Variants in HIVEP1 observed in about 807,000 individuals in gnomAD.
HIVEP1 encodes the protein zinc finger protein 40.
HIVEP1 carries 36 observed loss-of-function variants against 180.0 expected under a neutral mutation model. The ratio of observed to expected loss-of-function variants is 0.20; its 90% CI spans 0.15 to 0.26. HIVEP1 has a LOEUF of 0.26. Among genes scored for constraint, HIVEP1 ranks in the 10% least tolerant of loss-of-function variants. The probability of loss-of-function intolerance (pLI) is 1.00; values close to 1 mark genes in which losing one functional copy is unlikely to be tolerated. For synonymous variants in HIVEP1, 1,239 were observed against 1,239.0 expected (o/e 1.00, Z 0.00); for missense variants, 3,143 against 3,268.7 (o/e 0.96, Z 0.94).
chr6:12,131,412 CA>C (rs946473712), intron 6 of HIVEP1, among the ~76,000 whole-genome samples: 2 of 143,380 alleles, frequency 1.4e-5, no homozygotes, highest in African/African-American at 4.9e-5. Flanking sequence ...AATACATAGC[CA>C]TTTTTTTTCA....
At chr6:12,187,188 T>C in the HIVEP1 span, among the ~76,000 whole-genome samples, 1 of 152,146 alleles carries the variant, frequency 6.6e-6, no homozygotes, top group African/African-American at 2.4e-5. Context: ...AGAGGACACA[T>C]TTGCAAAAAT....
intron 8 of HIVEP1, among the ~76,000 whole-genome samples, chr6:12,162,425 G>A (rs1319068771): frequency 6.6e-6 from 1 of 152,200 alleles, no homozygotes; most frequent in African/African-American, 2.4e-5. Flanking sequence ...AACACATCAA[G>A]AAGTTCACTT....
At chr6:12,082,209 G>A (rs960406131) in intron 2 of HIVEP1, among the ~76,000 whole-genome samples, 9 of 152,096 alleles carry the variant, frequency 5.9e-5, no homozygotes, top group Non-Finnish European at 1.2e-4. Context: ...AGTCTGGGGT[G>A]TCATTCCTGG....
chr6:12,156,791 C>T (rs930238928), intron 7 of HIVEP1, among the ~76,000 whole-genome samples: 6 of 152,166 alleles, frequency 3.9e-5, no homozygotes, highest in Admixed American at 2.6e-4. Context: ...GAATGTTCCA[C>T]ATACCCTTAT....
chr6:12,052,912 C>G (rs1245468709), intron 2 of HIVEP1, among the ~76,000 whole-genome samples: 1 of 152,166 alleles, frequency 6.6e-6, no homozygotes, highest in African/African-American at 2.4e-5. Context: ...TTAGGAAATG[C>G]TATCTTTTGG....
chr6:12,175,052 A>G, the HIVEP1 span, among the ~76,000 whole-genome samples: 191 of 152,332 alleles, frequency 1.3e-3, 3 homozygotes, highest in East Asian at 0.028. Flanking sequence ...CTAACTGTTG[A>G]GTCATCTCAC....
At chr6:12,049,143 G>T (rs1478830974) in intron 2 of HIVEP1, among the ~76,000 whole-genome samples, 1 of 152,194 alleles carries the variant, frequency 6.6e-6, no homozygotes, top group African/African-American at 2.4e-5. Flanking sequence ...TTATTATGGG[G>T]TGTGGGTTAC....
chr6:12,038,054 G>A lies in HIVEP1; in HGVS notation c.40+22386G>A, dbSNP rs116918272. Reference sequence around the variant, plus strand: ...TTCTTATTTTTAAACATCCTGTGCAGAAAAAAATTAAGGAACCTGATGTAT... The same window carrying A: ...TTCTTATTTTTAAACATCCTGTGCAAAAAAAAATTAAGGAACCTGATGTAT... On this transcript the variant is annotated intron_variant, in intron 2 of 8. Coordinates refer to ENST00000379388, the MANE Select transcript of HIVEP1 (RefSeq NM_002114.4). 5.1e-4 allele frequency: 157 copies of A among 305,694 alleles called. 1 individual carries two copies. The East Asian group carries it at 8.0e-3, about 16-fold the overall frequency. The allele number at this position is 305,694 out of a possible 1,614,324, so 18.9% of individuals were successfully genotyped here.
chr6:12,196,259 G>A, the HIVEP1 span, among the ~76,000 whole-genome samples: 20 of 152,158 alleles, frequency 1.3e-4, no homozygotes, highest in Non-Finnish European at 1.5e-4. Flanking sequence ...CTTCTACTTT[G>A]TGGTTGAGAA....
In HIVEP1 at chr6:12,120,630, T is replaced by C; in HGVS notation, c.835T>C (p.Ser279Pro). Residue 279 changes from serine (S) to proline (P), a missense_variant, in exon 4 of 9, where the codon TCA becomes CCA. By Grantham distance (74) the Ser-to-Pro change is moderately conservative. Around this residue, in one of 12 missense-constraint regions of HIVEP1, gnomAD observed 306 missense variants for 310.6 expected, o/e 0.99. Transcript: ENST00000379388. ...AQKNEQGAMQ[S>P]ASHLYHQHEH... ...GAAGAATGAGCAAGGGGCAATGCAG[T>C]CAGCTTCTCATTTGTATCATCAACA... The C allele has an allele frequency of 3.7e-6, 6 of 1,614,192 alleles. No individual in the cohort carries two copies. The highest frequency in any genetic ancestry group is 5.1e-6 in the Non-Finnish European group (6 of 1,180,020).
chr6:12,066,778 A>G (rs1771617320), intron 2 of HIVEP1, among the ~76,000 whole-genome samples: 1 of 152,076 alleles, frequency 6.6e-6, no homozygotes, highest in Non-Finnish European at 1.5e-5. Flanking sequence ...TCTCTGAGCT[A>G]TTTCTTCAAG....
the HIVEP1 span, among the ~76,000 whole-genome samples, chr6:12,208,443 G>A: frequency 3.4e-4 from 52 of 152,264 alleles, no homozygotes; most frequent in Admixed American, 1.8e-3. Context: ...CCAGACTCGC[G>A]AAGTAGGAAG....
At chr6:12,056,318 T>C (rs1770867686) in intron 2 of HIVEP1, among the ~76,000 whole-genome samples, 1 of 151,568 alleles carries the variant, frequency 6.6e-6, no homozygotes, top group South Asian at 2.1e-4. Context: ...CGAGGTAGTA[T>C]GATGTTCTTA....
At chr6:12,088,444 A>C (rs9462452) in intron 2 of HIVEP1, among the ~76,000 whole-genome samples, 52,360 of 151,884 alleles carry the variant, frequency 0.34, 9,773 homozygotes, top group East Asian at 0.7. Flanking sequence ...TATCCTTATA[A>C]AGTTTAAATT....
At chr6:12,156,920 A>T (rs1234267184) in intron 7 of HIVEP1, among the ~76,000 whole-genome samples, 1 of 152,156 alleles carries the variant, frequency 6.6e-6, no homozygotes, top group Non-Finnish European at 1.5e-5. Flanking sequence ...CCCATTAATT[A>T]CCGAGAGTGG....
chr6:12,104,396 TTCTC>T (rs70981664), intron 3 of HIVEP1, among the ~76,000 whole-genome samples: 24 of 126,642 alleles, frequency 1.9e-4, no homozygotes, highest in East Asian at 6.9e-4. Context: ...CTCTCTTCGT[TTCTC>T]TCTCTCTCTC....
intron 2 of HIVEP1, among the ~76,000 whole-genome samples, chr6:12,019,390 T>C (rs776097066): frequency 6.6e-6 from 1 of 152,218 alleles, no homozygotes; most frequent in Non-Finnish European, 1.5e-5. Context: ...GATTAATTTT[T>C]GAGCGTATCT....
rs200764597 is a variant in HIVEP1 at position 12,124,999 on chromosome 6, C to T, written c.5204C>T (p.Ser1735Phe). The change falls in exon 4 of 9, where the codon TCC becomes TTC. Residue 1735 changes from serine to phenylalanine, a missense_variant. Coordinates refer to ENST00000379388, the MANE Select transcript of HIVEP1 (RefSeq NM_002114.4). ...CAGAAAATATCTGTTGGTCGACTTT[C>T]CCCTCAACAAGAATCTTCAGCTTCG... ...ITQKISVGRL[S>F]PQQESSASSK... 3.4e-4 allele frequency: 551 copies of T among 1,614,046 alleles called. No homozygotes were observed. Among genetic ancestry groups the T allele is most frequent in the Non-Finnish European group, 4.4e-4 (525 of 1,180,034 alleles).
chr6:12,013,822 ATT>A (rs59997630), intron 1 of HIVEP1, among the ~76,000 whole-genome samples: 4 of 151,646 alleles, frequency 2.6e-5, no homozygotes, highest in Admixed American at 2.6e-4. Flanking sequence ...TTAGACCATC[ATT>A]TTTTTTTGTA....
Sources: allele counts gnomAD v4.1 joint callset (sites outside exome capture counted in the v4.1 genomes callset), GRCh38; gene constraint gnomAD v4.1.1; regional missense constraint gnomAD v4.1.1; transcripts MANE v1.5; gene names NCBI Gene and HGNC (gene_info 2026-07-23, HGNC 2026-07-21).